BTAF1: variants seen among roughly 807,000 people sequenced by gnomAD.
The protein encoded by BTAF1 is TATA-binding protein-associated factor 172.
A neutral mutation model predicts 227.1 loss-of-function variants in BTAF1; 38 were observed. The observed-to-expected ratio is 0.17, with a 90% CI of 0.13 to 0.22. The LOEUF is 0.22. Ranked by LOEUF, BTAF1 falls within the 10% of genes least tolerant of loss-of-function variation. The probability of loss-of-function intolerance (pLI) is 1.00; values close to 1 mark genes in which losing one functional copy is unlikely to be tolerated. For missense variants in BTAF1, 1,598 were observed against 2,204.0 expected, an observed-to-expected ratio of 0.73 and a Z score of 5.51; for synonymous variants, 742 against 751.9, an observed-to-expected ratio of 0.99 and a Z score of 0.21.
At chr10:92,018,196 G>T (rs984313170) in intron 33 of BTAF1, among the ~76,000 whole-genome samples, 9 of 152,076 alleles carry the variant, frequency 5.9e-5, no homozygotes, top group African/African-American at 2.2e-4. Context: ...CAATTTTCCT[G>T]CCTCAGCCTC....
At chr10:92,010,659 C>T (rs1305286439) in intron 28 of BTAF1, among the ~76,000 whole-genome samples, 1 of 152,162 alleles carries the variant, frequency 6.6e-6, no homozygotes, top group Non-Finnish European at 1.5e-5. Context: ...TTGTTTGGGT[C>T]ATGCTCCCAA....
intron 11 of BTAF1, among the ~76,000 whole-genome samples, chr10:91,961,466 C>A (rs1417255): frequency 6.6e-6 from 1 of 150,912 alleles, no homozygotes; most frequent in Non-Finnish European, 1.5e-5. Context: ...TTTTTTTTCC[C>A]TTCTTTAACT....
At chr10:92,019,794 A>G (rs983565072) in intron 34 of BTAF1, among the ~76,000 whole-genome samples, 1 of 151,508 alleles carries the variant, frequency 6.6e-6, no homozygotes, top group East Asian at 1.9e-4. Context: ...GGACATTTCC[A>G]TATCTTCTTT....
In BTAF1 at chr10:91,962,792, TAAC is replaced by T. The variant is rs1193850271; in HGVS notation, c.1404+119_1404+121del. 13 of 890,538 alleles carry T rather than the reference TAAC, an allele frequency of 1.5e-5. No individual in the cohort carries two copies. The Admixed American group carries it at 2.3e-4, about 16-fold the overall frequency. The allele number at this position is 890,538 out of a possible 1,614,324, so 55.2% of individuals were successfully genotyped here. A position where few individuals can be genotyped will look rare whatever the true frequency, so the allele number is the denominator to read the frequency against. On this transcript the variant is annotated intron_variant, in intron 12 of 37. Coordinates refer to ENST00000265990, the MANE Select transcript of BTAF1 (RefSeq NM_003972.3). ...CTCCTTCATCTTCAATTTTTTTTTT[TAAC>T]AACAGCCCTCTGATGCATGCAATCT...
At chr10:92,026,146 G>A (rs1851500877) in intron 35 of BTAF1, among the ~76,000 whole-genome samples, 1 of 152,068 alleles carries the variant, frequency 6.6e-6, no homozygotes, top group South Asian at 2.1e-4. Context: ...TTTCCTAGAA[G>A]TTACTAGATA....
chr10:91,983,105 G>A (rs1350154303), intron 18 of BTAF1, among the ~76,000 whole-genome samples: 1 of 152,176 alleles, frequency 6.6e-6, no homozygotes, highest in African/African-American at 2.4e-5. Flanking sequence ...TGTCACTCAG[G>A]TATCACTGAA....
At chr10:91,949,607 T>A (rs373801296) in intron 4 of BTAF1, among the ~76,000 whole-genome samples, 3 of 152,138 alleles carry the variant, frequency 2.0e-5, no homozygotes, top group South Asian at 4.2e-4. Flanking sequence ...ATAGCTCAAA[T>A]CTCAATTTTA....
chr10:92,019,983 A>G (rs1851011440), intron 34 of BTAF1, among the ~76,000 whole-genome samples: 1 of 151,552 alleles, frequency 6.6e-6, no homozygotes, highest in African/African-American at 2.4e-5. Context: ...GGGCCTGCCA[A>G]AGCCCTGGGA....
chr10:92,017,762 C>T (rs1850845695), intron 33 of BTAF1, among the ~76,000 whole-genome samples: 1 of 152,166 alleles, frequency 6.6e-6, no homozygotes, highest in Non-Finnish European at 1.5e-5. Flanking sequence ...CCTCCCTCTT[C>T]AGCCTCCTAA....
In BTAF1 at chr10:91,987,396, T is replaced by C. The variant is rs181350943; in HGVS notation, c.2428-1758T>C. Among the ~76,000 whole-genome samples, 155 of 152,060 alleles carry C rather than the reference T, an allele frequency of 1.0e-3. 4 individuals are homozygous for C. In the East Asian group the frequency reaches 0.025, roughly 24 times the overall value. ...TACTCGGGAGGCTGAAGCAGGAGAA[T>C]GGCGTGAACCCAGGAGGCGGAGCTT... On this transcript the variant is annotated intron_variant, in intron 19 of 37. Transcript: ENST00000265990.
intron 34 of BTAF1, among the ~76,000 whole-genome samples, chr10:92,023,596 A>G (rs1049842288): frequency 6.6e-6 from 1 of 152,162 alleles, no homozygotes. Flanking sequence ...AAGCAGGAGA[A>G]TATCTCGAAC....
rs79507807 is a variant in BTAF1, at chr10:91,932,186, C to A, written c.15-3471C>A. On this transcript the variant is annotated intron_variant, in intron 1 of 37. Coordinates refer to ENST00000265990, the MANE Select transcript of BTAF1 (RefSeq NM_003972.3). ...CTAAGTGAAGCTGGGTAGCAGAGGA[C>A]CAAAGGAAAAGTTTAAGAAGGATGG... Among the ~76,000 whole-genome samples, 448 of 152,118 alleles carry A rather than the reference C, an allele frequency of 2.9e-3. 18 individuals are homozygous for A. The East Asian group carries it at 0.078, about 27-fold the overall frequency.
chr10:91,982,511 GAA>G, intron 17 of BTAF1, 74 bp from the exon 18 acceptor site: 2 of 1,483,924 alleles, frequency 1.3e-6, no homozygotes, highest in Non-Finnish European at 1.8e-6. Flanking sequence ...ATAGGAAATT[GAA>G]AAAATTTCCC....
intron 2 of BTAF1, among the ~76,000 whole-genome samples, chr10:91,938,883 G>A (rs1011353148): frequency 4.0e-5 from 6 of 149,300 alleles, no homozygotes; most frequent in Non-Finnish European, 5.9e-5. Flanking sequence ...AAAAAAGTGT[G>A]AGTCTACTAA....
intron 2 of BTAF1, among the ~76,000 whole-genome samples, chr10:91,937,609 C>A (rs1844720564): frequency 6.6e-6 from 1 of 152,122 alleles, no homozygotes; most frequent in Non-Finnish European, 1.5e-5. Flanking sequence ...TATATTGTAG[C>A]ATGTATATTC....
chr10:91,964,018 C>T, intron 12 of BTAF1, 59 bp from the exon 13 acceptor site: 1 of 1,589,702 alleles, frequency 6.3e-7, no homozygotes, highest in Non-Finnish European at 8.6e-7. Flanking sequence ...TACCATTTGG[C>T]AGGGTTTGTG....
At chr10:91,942,390 T>C (rs1210817044) in intron 3 of BTAF1, 32 bp from the exon 4 acceptor site, 3 of 1,598,718 alleles carry the variant, frequency 1.9e-6, no homozygotes, top group African/African-American at 2.7e-5. Context: ...TTTGGCTATA[T>C]GGTCAAATTA....
chr10:91,989,065 C>A, intron 19 of BTAF1, 89 bp from the exon 20 acceptor site: 1 of 1,206,504 alleles, frequency 8.3e-7, no homozygotes, highest in Non-Finnish European at 1.1e-6. Flanking sequence ...AAAATTGAAA[C>A]AGAAAGCTTG....
At chr10:92,016,307 C>T in intron 32 of BTAF1, 33 bp from the exon 33 acceptor site, 2 of 1,575,112 alleles carry the variant, frequency 1.3e-6, no homozygotes, top group Non-Finnish European at 1.7e-6. Flanking sequence ...AATAAATATA[C>T]TTAAAGCTTC....
Sources: allele counts gnomAD v4.1 joint callset (sites outside exome capture counted in the v4.1 genomes callset), GRCh38; gene constraint gnomAD v4.1.1; transcripts MANE v1.5; gene names NCBI Gene and HGNC (gene_info 2026-07-23, HGNC 2026-07-21).